The following LOXL1 variants were observed in gnomAD, a reference collection of about 807,000 sequenced individuals.
LOXL1 encodes the protein lysyl oxidase like 1, also known as lysyl oxidase homolog 1.
A neutral mutation model predicts 62.2 loss-of-function variants in LOXL1; 31 were observed. The observed-to-expected ratio is 0.50, with a 90% confidence interval of 0.37 to 0.67. The LOEUF is 0.67. LOXL1 is among the 30% of genes least tolerant of loss of function. The pLI is 0.00. For synonymous variants in LOXL1, 403 were observed against 384.4 expected (o/e 1.05, Z -0.56); for missense variants, 775 against 843.4 (o/e 0.92, Z 1.00).
intron 1 of LOXL1, chr15:73,928,239 C>T (rs2068606758): frequency 8.1e-6 from 2 of 248,212 alleles, no homozygotes; most frequent in Non-Finnish European, 1.5e-5. Context: ...TCCACCTTCT[C>T]CCTCATTTCA....
chr15:73,947,322 G>A, intron 4 of LOXL1, 99 bp downstream of exon 4: 2 of 1,352,036 alleles, frequency 1.5e-6, no homozygotes, highest in Non-Finnish European at 2.0e-6. Context: ...AAGGCTTCTG[G>A]CCACTCAGCT....
At chr15:73,947,356 A>G in intron 4 of LOXL1, 133 bp downstream of exon 4, 3 of 963,132 alleles carry the variant, frequency 3.1e-6, no homozygotes, top group East Asian at 2.5e-5. Context: ...AGGTCTTCTC[A>G]CCAGTCCTCA....
At chr15:73,934,820 T>G (rs2068659619) in intron 1 of LOXL1, among the ~76,000 whole-genome samples, 1 of 150,052 alleles carries the variant, frequency 6.7e-6, no homozygotes, top group African/African-American at 2.5e-5. Context: ...AGATCGGGAG[T>G]GTAGGAGAGG....
In LOXL1 at chr15:73,927,772, C is replaced by T. The variant is rs1273753207; in HGVS notation, c.989C>T (p.Pro330Leu). The T allele has an allele frequency of 3.5e-6, 5 of 1,435,154 alleles. No individual in the cohort carries two copies. The highest frequency in any genetic ancestry group is 3.6e-6 in the Non-Finnish European group (4 of 1,100,706). The allele number at this position is 1,435,154 out of a possible 1,614,324, so 88.9% of individuals were successfully genotyped here. A position where few individuals can be genotyped will look rare whatever the true frequency, so the allele number is the denominator to read the frequency against. Residue 330 changes from proline to leucine, a missense_variant, in exon 1 of 7, where the codon CCC (proline) becomes CTC (leucine). Coordinates refer to ENST00000261921, the MANE Select transcript of LOXL1 (RefSeq NM_005576.4). ...AYGPPRALEP[P>L]YLPVRSSDTP... ...GGGCCGCCGCGCGCGCTGGAGCCGC[C>T]CTACCTGCCGGTGCGCAGCTCCGAC...
At position 73,952,078 on chromosome 15, in the gene LOXL1, T is replaced by A; in HGVS notation, c.*241T>A. The A allele has an allele frequency of 2.5e-6, 1 of 396,246 alleles. No individual in the cohort carries two copies. The highest frequency in any genetic ancestry group is 4.5e-6 in the Non-Finnish European group (1 of 223,958). 24.5% of individuals were successfully genotyped at this position (396,246 alleles called of 1,614,324 possible). Reference sequence around the variant, plus strand: ...TTGTTGGTTTTTATTTTTTATACTTTGGCCATACCACAGAGCTAGATTGCC... The same window carrying A: ...TTGTTGGTTTTTATTTTTTATACTTAGGCCATACCACAGAGCTAGATTGCC... On this transcript the variant is annotated 3_prime_UTR_variant, in exon 7 of 7. Transcript: ENST00000261921.
At chr15:73,949,385 C>A in intron 5 of LOXL1, 74 bp from the exon 6 acceptor site, 1 of 854,254 alleles carries the variant, frequency 1.2e-6, no homozygotes, top group Non-Finnish European at 2.1e-6. Context: ...CTCTTTACCA[C>A]CTTCTCTGGT....
At position 73,927,752 on chromosome 15, in the gene LOXL1, G is replaced by A; in HGVS notation, c.969G>A (p.Pro323=). The part of the protein sequence containing the change: ...YANPPPEAYG[P]PRALEPPYLP... ...ACCCGCCGCCCGAGGCGTACGGGCC[G>A]CCGCGCGCGCTGGAGCCGCCCTACC... Residue 323 remains proline (P), a synonymous_variant, in exon 1 of 7, where the codon CCG becomes CCA. Transcript: ENST00000261921. The A allele has an allele frequency of 6.9e-7, 1 of 1,450,848 alleles. No individual in the cohort carries two copies. The highest frequency in any genetic ancestry group is 9.0e-7 in the Non-Finnish European group (1 of 1,107,842). The allele number at this position is 1,450,848 out of a possible 1,614,324, so 89.9% of individuals were successfully genotyped here. A position where few individuals can be genotyped will look rare whatever the true frequency, so the allele number is the denominator to read the frequency against.
chr15:73,941,422 C>T (rs1002024245), intron 1 of LOXL1, among the ~76,000 whole-genome samples: 2 of 152,172 alleles, frequency 1.3e-5, no homozygotes, highest in Non-Finnish European at 2.9e-5. Flanking sequence ...GCAGACACTT[C>T]TGCCGATGGC....
In LOXL1 at chr15:73,930,346, G is replaced by A. The variant is rs1332570636; in HGVS notation, c.1102+2461G>A. On this transcript the variant is annotated intron_variant, in intron 1 of 6. Transcript: ENST00000261921. This position sits in a 1 kb window ranked among gnomAD's most constrained non-coding sequence, Gnocchi z 4.7. ...GCCCCTTCCCCTAATCATTGAGGGT[G>A]TGGGGTGGGAGTGTGTTTTTTGCTG... Among the ~76,000 whole-genome samples the A allele has an allele frequency of 6.6e-6, 1 of 152,208 alleles. No homozygotes were observed. Among genetic ancestry groups the A allele is most frequent in the Admixed American group, 6.5e-5 (1 of 15,284 alleles).
chr15:73,934,793 A>G (rs1375942066), intron 1 of LOXL1, among the ~76,000 whole-genome samples: 1 of 152,262 alleles, frequency 6.6e-6, no homozygotes, highest in Non-Finnish European at 1.5e-5. Flanking sequence ...CTGTGGAAAA[A>G]TAGAGATAGG....
intron 3 of LOXL1, 130 bp from the exon 4 acceptor site, chr15:73,946,937 A>C: frequency 9.8e-7 from 1 of 1,018,134 alleles, no homozygotes; most frequent in South Asian, 1.7e-5. Flanking sequence ...CTCAGGAGAC[A>C]GGAGAACCTA....
chr15:73,935,756 C>T (rs1457641596), intron 1 of LOXL1, among the ~76,000 whole-genome samples: 1 of 152,216 alleles, frequency 6.6e-6, no homozygotes, highest in East Asian at 1.9e-4. Context: ...CTGGCGCAAT[C>T]AAGCACACAC....
intron 5 of LOXL1, among the ~76,000 whole-genome samples, chr15:73,948,966 C>T (rs1264020993): frequency 6.6e-6 from 1 of 152,236 alleles, no homozygotes; most frequent in African/African-American, 2.4e-5. Flanking sequence ...CCCAACAGCT[C>T]CTTTTCAGAC....
At chr15:73,947,956 C>G in intron 5 of LOXL1, 54 bp downstream of exon 5, 1 of 1,341,486 alleles carries the variant, frequency 7.5e-7, no homozygotes, top group Non-Finnish European at 1.1e-6. Context: ...TGTCCAATGT[C>G]CCCCCGTTCC....
At chr15:73,931,755 G>A (rs1197779429) in intron 1 of LOXL1, among the ~76,000 whole-genome samples, 1 of 152,144 alleles carries the variant, frequency 6.6e-6, no homozygotes, top group African/African-American at 2.4e-5. Flanking sequence ...CACCTCCACA[G>A]GCTGCCTGCC....
chr15:73,943,078 T>C, intron 2 of LOXL1, 116 bp downstream of exon 2: 1 of 777,268 alleles, frequency 1.3e-6, no homozygotes, highest in Non-Finnish European at 2.2e-6. Context: ...CCTGGCCAAG[T>C]GCCCCAGCCT....
chr15:73,937,936 G>A (rs1266541009), intron 1 of LOXL1, among the ~76,000 whole-genome samples: 1 of 152,204 alleles, frequency 6.6e-6, no homozygotes, highest in African/African-American at 2.4e-5. Context: ...GGGCACGTAC[G>A]GCCGTTCACT....
At position 73,947,215 on chromosome 15, in the gene LOXL1, C is replaced by T. The variant is rs1409842918; in HGVS notation, c.1498C>T (p.His500Tyr). Residue 500 changes from histidine to tyrosine, a missense_variant, in exon 4 of 7, where the codon CAT (histidine) becomes TAT (tyrosine). By Grantham distance (83) the His-to-Tyr change is moderately conservative. Transcript: ENST00000261921. Reference sequence around the variant, plus strand: ...CCTCAAGCGCTATGCATGCACCTCTCATACCCAGGTTGGGCTGGAGAGATG... The same window carrying T: ...CCTCAAGCGCTATGCATGCACCTCTTATACCCAGGTTGGGCTGGAGAGATG... ...GNLKRYACTSHTQGLSPGCYD... is the reference protein window; with the variant it reads ...GNLKRYACTSYTQGLSPGCYD... The T allele has an allele frequency of 1.3e-6, 2 of 1,599,752 alleles. No homozygotes were observed. Among genetic ancestry groups the T allele is most frequent in the East Asian group, 2.2e-5 (1 of 44,450 alleles).
At chr15:73,951,315 C>T (rs1199460407) in intron 6 of LOXL1, among the ~76,000 whole-genome samples, 2 of 152,152 alleles carry the variant, frequency 1.3e-5, no homozygotes, top group African/African-American at 4.8e-5. Flanking sequence ...GAGCCAAAGC[C>T]CTTCCTTCCA....
Sources: gnomAD v4.1 joint callset for allele counts (sites outside exome capture counted in the v4.1 genomes callset) on GRCh38, gnomAD v4.1.1 for gene constraint, Gnocchi (gnomAD v3.1) non-coding constraint, MANE v1.5 for transcripts, NCBI Gene and HGNC (gene_info 2026-07-23, HGNC 2026-07-21) for gene names.